The following SRPK2 variants were observed in gnomAD, a reference collection of about 807,000 sequenced individuals.
SRPK2 encodes the protein SFRS protein kinase 2.
SRPK2 carries 21 observed loss-of-function variants against 90.8 expected under a neutral mutation model. The observed-to-expected ratio is 0.23, with a 90% CI of 0.16 to 0.33. The LOEUF (loss-of-function observed/expected upper bound fraction) is 0.33, where lower values mean the gene tolerates loss of function less well. Among genes scored for constraint, SRPK2 ranks in the 10% least tolerant of loss-of-function variants. The pLI is 1.00. For missense variants in SRPK2, 620 were observed against 869.0 expected, an observed-to-expected ratio of 0.71 and a Z score of 3.60; for synonymous variants, 288 against 311.1, an observed-to-expected ratio of 0.93 and a Z score of 0.78.
chr7:105,343,156 G>A (rs1036510684), intron 2 of SRPK2, among the ~76,000 whole-genome samples: 3 of 152,170 alleles, frequency 2.0e-5, no homozygotes, highest in African/African-American at 7.2e-5. Flanking sequence ...ACTATTGGCA[G>A]GAGCAGTGGT....
intron 2 of SRPK2, among the ~76,000 whole-genome samples, chr7:105,318,403 T>C (rs1917047): frequency 0.18 from 27,667 of 152,228 alleles, 3,188 homozygotes; most frequent in East Asian, 0.58. Context: ...CCTAAAAATA[T>C]GCTATTTGTT....
At chr7:105,378,864 C>T (rs1257020987) in intron 2 of SRPK2, among the ~76,000 whole-genome samples, 3 of 151,860 alleles carry the variant, frequency 2.0e-5, no homozygotes, top group Non-Finnish European at 4.4e-5. Context: ...AAATTTATTA[C>T]AATGACACTG....
intron 2 of SRPK2, among the ~76,000 whole-genome samples, chr7:105,288,151 A>G (rs1808417896): frequency 6.6e-6 from 1 of 152,228 alleles, no homozygotes; most frequent in Non-Finnish European, 1.5e-5. Flanking sequence ...AGGAAGTCTT[A>G]TGGAAGTTGT....
At chr7:105,369,355 C>A (rs1482045820) in intron 2 of SRPK2, among the ~76,000 whole-genome samples, 2 of 151,970 alleles carry the variant, frequency 1.3e-5, no homozygotes, top group African/African-American at 4.8e-5. Context: ...ATCACGCTGG[C>A]CAGGCTGGTA....
At chr7:105,303,437 A>G (rs2131290256) in intron 2 of SRPK2, among the ~76,000 whole-genome samples, 1 of 152,222 alleles carries the variant, frequency 6.6e-6, no homozygotes, top group Non-Finnish European at 1.5e-5. Context: ...CGTTGTGCAC[A>G]TGTACCCTAG....
chr7:105,181,310 A>G (rs1792766365), intron 3 of SRPK2, among the ~76,000 whole-genome samples: 1 of 152,238 alleles, frequency 6.6e-6, no homozygotes, highest in African/African-American at 2.4e-5. Flanking sequence ...CAGTATGGCA[A>G]TTCCTCAAGG....
chr7:105,350,256 C>T (rs1442482238), intron 2 of SRPK2, among the ~76,000 whole-genome samples: 1 of 137,374 alleles, frequency 7.3e-6, no homozygotes, highest in Non-Finnish European at 1.7e-5. Context: ...CTCAGCCACC[C>T]GAGTAGCTGG....
chr7:105,273,313 A>G (rs775309145), intron 2 of SRPK2, among the ~76,000 whole-genome samples: 1 of 152,104 alleles, frequency 6.6e-6, no homozygotes, highest in Non-Finnish European at 1.5e-5. Flanking sequence ...TGGCTCCCCA[A>G]GCATGCCATG....
chr7:105,269,487 C>T (rs913565368), intron 2 of SRPK2, among the ~76,000 whole-genome samples: 13 of 152,056 alleles, frequency 8.5e-5, no homozygotes, highest in African/African-American at 3.1e-4. Flanking sequence ...GATTTTATAC[C>T]TTAATTTTCC....
At chr7:105,301,943 A>C (rs1279506819) in intron 2 of SRPK2, 1 of 1,609,368 alleles carries the variant, frequency 6.2e-7, no homozygotes, top group Non-Finnish European at 8.5e-7. Context: ...AAGTAAGAAA[A>C]AAGACAAAAA....
At chr7:105,166,013 G>A (rs1375108035) in intron 6 of SRPK2, among the ~76,000 whole-genome samples, 1 of 152,040 alleles carries the variant, frequency 6.6e-6, no homozygotes, top group Non-Finnish European at 1.5e-5. Flanking sequence ...CTTCATTCTT[G>A]AAGTCAGTGA....
chr7:105,267,916 A>G (rs921169101), intron 2 of SRPK2, among the ~76,000 whole-genome samples: 3 of 152,174 alleles, frequency 2.0e-5, no homozygotes, highest in Non-Finnish European at 2.9e-5. Flanking sequence ...TAAAATATCA[A>G]TATTAAGTAT....
intron 7 of SRPK2, chr7:105,160,218 C>T (rs748736533): frequency 3.9e-5 from 8 of 203,424 alleles, no homozygotes; most frequent in Non-Finnish European, 6.7e-5. Flanking sequence ...AGATACTGAA[C>T]AAAAACAATG....
intron 2 of SRPK2, among the ~76,000 whole-genome samples, chr7:105,369,896 G>A (rs771299146): frequency 5.9e-5 from 9 of 152,104 alleles, no homozygotes; most frequent in African/African-American, 1.4e-4. Flanking sequence ...GCGTGGTGGC[G>A]CATGCCTGTA....
At chr7:105,372,136 TAAAAA>T (rs55928342) in intron 2 of SRPK2, among the ~76,000 whole-genome samples, 1 of 76,770 alleles carries the variant, frequency 1.3e-5, no homozygotes, top group East Asian at 5.6e-4. Context: ...CTCCAACTCA[TAAAAA>T]AAAAAAAAAA....
intron 2 of SRPK2, among the ~76,000 whole-genome samples, chr7:105,224,539 G>T (rs757867766): frequency 5.9e-5 from 9 of 152,166 alleles, no homozygotes; most frequent in Admixed American, 2.6e-4. Context: ...AACTCAGGAG[G>T]TGGAGGTGGC....
chr7:105,261,706 G>C (rs1040277115), intron 2 of SRPK2, among the ~76,000 whole-genome samples: 3 of 152,140 alleles, frequency 2.0e-5, no homozygotes, highest in African/African-American at 7.2e-5. Flanking sequence ...AACATTATTT[G>C]TTTTGTTGAC....
At chr7:105,170,916 GA>G (rs1790920741) in intron 3 of SRPK2, among the ~76,000 whole-genome samples, 1 of 66,136 alleles carries the variant, frequency 1.5e-5, no homozygotes, top group Non-Finnish European at 2.8e-5. Context: ...AGAAAGAAAG[GA>G]GAAAGAAAAA....
chr7:105,388,762 G>T, intron 1 of SRPK2, 29 bp downstream of exon 1: 3 of 1,533,314 alleles, frequency 2.0e-6, no homozygotes, highest in Non-Finnish European at 8.8e-7. Flanking sequence ...GCCGCGTGGC[G>T]GGGAGAGGGC....
Sources: allele counts gnomAD v4.1 joint callset (sites outside exome capture counted in the v4.1 genomes callset), GRCh38; gene constraint gnomAD v4.1.1; transcripts MANE v1.5; gene names NCBI Gene and HGNC (gene_info 2026-07-23, HGNC 2026-07-21).